Variants in NDUFAF2 observed in about 807,000 individuals in gnomAD.
NDUFAF2 encodes the protein NADH:ubiquinone oxidoreductase complex assembly factor 2.
A neutral mutation model predicts 22.8 loss-of-function variants in NDUFAF2; 13 were observed. The observed-to-expected ratio is 0.57, with a 90% CI of 0.37 to 0.91. The LOEUF is 0.91. Ranked by LOEUF, NDUFAF2 falls within the 40% of genes least tolerant of loss-of-function variation. The pLI, the probability that NDUFAF2 is intolerant of heterozygous loss-of-function variation, is 0.01. For missense variants in NDUFAF2, 162 were observed against 195.2 expected, an observed-to-expected ratio of 0.83 and a Z score of 1.01; for synonymous variants, 53 against 64.2, an observed-to-expected ratio of 0.83 and a Z score of 0.84.
chr5:61,121,936 T>C (rs1322199487), intron 3 of NDUFAF2, among the ~76,000 whole-genome samples: 1 of 151,530 alleles, frequency 6.6e-6, no homozygotes, highest in Non-Finnish European at 1.5e-5. Flanking sequence ...GTTCAAGCAA[T>C]TCCCGTGCCT....
intron 1 of NDUFAF2, among the ~76,000 whole-genome samples, chr5:60,991,918 T>G (rs1308864042): frequency 6.6e-6 from 1 of 152,172 alleles, no homozygotes; most frequent in Non-Finnish European, 1.5e-5. Context: ...CCACCAACAG[T>G]ATACAAGGGT....
At chr5:61,052,020 A>G (rs986857886) in intron 1 of NDUFAF2, among the ~76,000 whole-genome samples, 2 of 152,220 alleles carry the variant, frequency 1.3e-5, no homozygotes, top group Non-Finnish European at 2.9e-5. Flanking sequence ...TCCAAAAATA[A>G]AGTAGCTTTA....
chr5:60,993,344 A>G (rs1751185812), intron 1 of NDUFAF2, among the ~76,000 whole-genome samples: 1 of 152,230 alleles, frequency 6.6e-6, no homozygotes. Context: ...GGGCTCCCTG[A>G]AGAGTTGCAG....
At chr5:61,073,947 C>T (rs1449378762) in intron 2 of NDUFAF2, among the ~76,000 whole-genome samples, 1 of 152,226 alleles carries the variant, frequency 6.6e-6, no homozygotes, top group African/African-American at 2.4e-5. Context: ...AACTAGTTCA[C>T]AATGAGAAGT....
intron 3 of NDUFAF2, among the ~76,000 whole-genome samples, chr5:61,124,873 C>T (rs184320452): frequency 7.2e-5 from 11 of 152,164 alleles, no homozygotes; most frequent in Admixed American, 7.2e-4. Flanking sequence ...GTTTAATGGA[C>T]GCACAGTTCC....
chr5:60,966,381 A>G (rs140681054), intron 1 of NDUFAF2, among the ~76,000 whole-genome samples: 67 of 152,156 alleles, frequency 4.4e-4, no homozygotes, highest in African/African-American at 1.4e-3. Flanking sequence ...AGGTAATCCC[A>G]CTTGTTTATT....
chr5:60,982,812 G>C (rs568804414), intron 1 of NDUFAF2, among the ~76,000 whole-genome samples: 1 of 151,828 alleles, frequency 6.6e-6, no homozygotes, highest in Admixed American at 6.6e-5. Context: ...TTGGACATTT[G>C]GGTTGGTCCC....
At chr5:61,032,042 T>C (rs539732928) in intron 1 of NDUFAF2, among the ~76,000 whole-genome samples, 1 of 152,366 alleles carries the variant, frequency 6.6e-6, no homozygotes, top group African/African-American at 2.4e-5. Context: ...GAAGTGTCTG[T>C]TCATATCCTT....
Position 61,136,773 on chromosome 5 carries a change from G to C in NDUFAF2, c.259-15931G>C, listed in dbSNP as rs139891697. ...AGCTCAGTTTTGCCAGCAGCCCTCT[G>C]AGAGACTGCGGAACACATCACAGAG... On this transcript the variant is annotated intron_variant, in intron 3 of 3. Coordinates refer to ENST00000296597, the MANE Select transcript of NDUFAF2 (RefSeq NM_174889.5). Among the ~76,000 whole-genome samples, 11 of 152,312 alleles carry C rather than the reference G, an allele frequency of 7.2e-5. No individual in the cohort carries two copies. The East Asian group carries it at 2.1e-3, about 29-fold the overall frequency.
intron 3 of NDUFAF2, among the ~76,000 whole-genome samples, chr5:61,144,620 T>A (rs558718469): frequency 6.6e-6 from 1 of 152,296 alleles, no homozygotes; most frequent in Admixed American, 6.5e-5. Flanking sequence ...ATACCTGAGG[T>A]TGAAAACTCT....
chr5:60,984,037 G>T (rs1300978822), intron 1 of NDUFAF2, among the ~76,000 whole-genome samples: 1 of 152,146 alleles, frequency 6.6e-6, no homozygotes, highest in Non-Finnish European at 1.5e-5. Context: ...CATGAGCATG[G>T]AATGTTCTTC....
At chr5:61,132,690 C>T (rs1381987448) in intron 3 of NDUFAF2, among the ~76,000 whole-genome samples, 1 of 152,124 alleles carries the variant, frequency 6.6e-6, no homozygotes, top group Non-Finnish European at 1.5e-5. Flanking sequence ...AATGTTATTT[C>T]AACTGGTTTC....
At chr5:60,951,311 G>C (rs1331315387) in intron 1 of NDUFAF2, among the ~76,000 whole-genome samples, 3 of 152,200 alleles carry the variant, frequency 2.0e-5, no homozygotes, top group Non-Finnish European at 4.4e-5. Context: ...GATTACAGGA[G>C]TAAACCAGAT....
intron 1 of NDUFAF2, among the ~76,000 whole-genome samples, chr5:61,032,627 G>A (rs1751743097): frequency 6.6e-6 from 1 of 152,148 alleles, no homozygotes; most frequent in Non-Finnish European, 1.5e-5. Flanking sequence ...GGTTACTGTA[G>A]CCTTGTAATA....
At chr5:61,147,343 G>A (rs1048471505) in intron 3 of NDUFAF2, among the ~76,000 whole-genome samples, 22 of 151,338 alleles carry the variant, frequency 1.5e-4, no homozygotes, top group Non-Finnish European at 2.5e-4. Flanking sequence ...TGACCTCCTG[G>A]GCTCAAGTGA....
chr5:60,959,506 A>G (rs1427121975), intron 1 of NDUFAF2, among the ~76,000 whole-genome samples: 2 of 152,070 alleles, frequency 1.3e-5, no homozygotes, highest in East Asian at 3.9e-4. Flanking sequence ...TGGATAAAAA[A>G]ATTTTAAATC....
intron 1 of NDUFAF2, among the ~76,000 whole-genome samples, chr5:60,981,618 C>A (rs2112578867): frequency 1.3e-5 from 2 of 152,194 alleles, no homozygotes; most frequent in East Asian, 3.9e-4. Context: ...AGAATAATAA[C>A]TAAAACAATT....
At chr5:60,962,084 A>G (rs1047083576) in intron 1 of NDUFAF2, among the ~76,000 whole-genome samples, 1 of 152,076 alleles carries the variant, frequency 6.6e-6, no homozygotes, top group African/African-American at 2.4e-5. Flanking sequence ...TGAACACCAT[A>G]AATATATGTA....
chr5:60,952,744 A>AT (rs1198567662), intron 1 of NDUFAF2, among the ~76,000 whole-genome samples: 8 of 151,790 alleles, frequency 5.3e-5, no homozygotes, highest in Non-Finnish European at 5.9e-5. Flanking sequence ...ATTCACACTG[A>AT]TTTTTTTTGT....
Sources: gnomAD v4.1 joint callset for allele counts (sites outside exome capture counted in the v4.1 genomes callset) on GRCh38, gnomAD v4.1.1 for gene constraint, MANE v1.5 for transcripts, NCBI Gene and HGNC (gene_info 2026-07-23, HGNC 2026-07-21) for gene names.